SRGAP3: variants seen among roughly 807,000 people sequenced by gnomAD.
SRGAP3 encodes the protein SLIT-ROBO Rho GTPase activating protein 3.
Under a neutral mutation model 121.1 loss-of-function variants are expected in SRGAP3, and 39 were observed. The observed-to-expected ratio is 0.32, with a 90% CI of 0.25 to 0.42. SRGAP3 has a LOEUF of 0.42. Ranked by LOEUF, SRGAP3 falls within the 10% of genes least tolerant of loss-of-function variation. SRGAP3 has a pLI of 1.00. For missense variants in SRGAP3, 1,213 were observed against 1,470.6 expected, an observed-to-expected ratio of 0.82 and a Z score of 2.86; for synonymous variants, 601 against 570.0, an observed-to-expected ratio of 1.05 and a Z score of -0.77.
chr3:9,314,354 G>A (rs1441253066), intron 3 of SRGAP3, among the ~76,000 whole-genome samples: 3 of 152,120 alleles, frequency 2.0e-5, no homozygotes, highest in African/African-American at 2.4e-5. Flanking sequence ...CTGGGAGTTC[G>A]AGACCAGCCT....
chr3:9,216,762 A>C (rs1952647922), intron 1 of SRGAP3: 1 of 152,646 alleles, frequency 6.6e-6, no homozygotes, highest in Non-Finnish European at 1.5e-5. Context: ...AAGCCACCCA[A>C]GTGTCCCTCC....
chr3:9,021,197 C>T (rs905169686), intron 14 of SRGAP3, among the ~76,000 whole-genome samples: 3 of 152,214 alleles, frequency 2.0e-5, no homozygotes, highest in Non-Finnish European at 2.9e-5. Context: ...CTAGAGCCTA[C>T]GTGGCATGGC....
intron 1 of SRGAP3, among the ~76,000 whole-genome samples, chr3:9,126,485 C>T (rs1949235614): frequency 6.6e-6 from 1 of 152,060 alleles, no homozygotes; most frequent in South Asian, 2.1e-4. Context: ...CAAAAATTAG[C>T]CAGGCATAGT....
chr3:9,071,405 T>C (rs1946705302), intron 4 of SRGAP3, among the ~76,000 whole-genome samples: 2 of 152,164 alleles, frequency 1.3e-5, no homozygotes, highest in Admixed American at 1.3e-4. Flanking sequence ...CGTAAACTTA[T>C]GTTCATCTGG....
At chr3:9,022,485 C>T (rs1277847857) in intron 14 of SRGAP3, among the ~76,000 whole-genome samples, 2 of 152,178 alleles carry the variant, frequency 1.3e-5, no homozygotes, top group Non-Finnish European at 2.9e-5. Context: ...GCCACCCCGT[C>T]GCCAGGGAAA....
intron 1 of SRGAP3, among the ~76,000 whole-genome samples, chr3:9,175,794 T>C (rs1267453939): frequency 6.6e-6 from 1 of 152,196 alleles, no homozygotes; most frequent in African/African-American, 2.4e-5. Context: ...TCTACATGTT[T>C]AGAGAGAAAA....
chr3:9,110,311 A>T (rs1223533083), intron 2 of SRGAP3, among the ~76,000 whole-genome samples: 1 of 152,020 alleles, frequency 6.6e-6, no homozygotes, highest in African/African-American at 2.4e-5. Flanking sequence ...GGGAGGGAGG[A>T]TGATGAGTTC....
At position 9,202,711 on chromosome 3, in the gene SRGAP3, A is replaced by T. The variant is rs150688836; in HGVS notation, c.67+46174T>A. On this transcript the variant is annotated intron_variant, in intron 1 of 21. Transcript: ENST00000383836. ...ACCCCTGAGCTGATGCTGGGCCTGA[A>T]TCTCCCGCAGGCCTGGGACTCTGTG... Among the ~76,000 whole-genome samples the T allele has an allele frequency of 3.9e-3, 586 of 152,162 alleles. 3 individuals carry two copies. Among genetic ancestry groups the T allele is most frequent in the Non-Finnish European group, 5.3e-3 (361 of 68,000 alleles).
intron 3 of SRGAP3, among the ~76,000 whole-genome samples, chr3:9,311,750 T>G (rs1296713110): frequency 6.6e-6 from 1 of 152,206 alleles, no homozygotes; most frequent in Non-Finnish European, 1.5e-5. Context: ...GACCACAGGT[T>G]GTCTTCCTCT....
chr3:9,294,553 A>ACAAAC (rs200087170), intron 3 of SRGAP3, among the ~76,000 whole-genome samples: 1 of 81,796 alleles, frequency 1.2e-5, no homozygotes, highest in Non-Finnish European at 2.8e-5. Context: ...AAACAAACAA[A>ACAAAC]AAAAAACACC....
At chr3:9,326,214 T>C (rs1219460449) in intron 2 of SRGAP3, 4 of 151,918 alleles carry the variant, frequency 2.6e-5, no homozygotes, top group African/African-American at 9.7e-5. Flanking sequence ...AAAAGCTTTA[T>C]TTACCTGGTG....
intron 13 of SRGAP3, 130 bp from the exon 14 acceptor site, chr3:9,025,468 T>C (rs760925240): frequency 3.0e-5 from 32 of 1,055,908 alleles, no homozygotes; most frequent in Non-Finnish European, 4.4e-5. Context: ...AACAGAGTCG[T>C]TCCCTATGAA....
intron 2 of SRGAP3, among the ~76,000 whole-genome samples, chr3:9,121,331 C>G (rs922217678): frequency 6.6e-6 from 1 of 152,192 alleles, no homozygotes; most frequent in Non-Finnish European, 1.5e-5. Flanking sequence ...ATCTTTACGA[C>G]GGTGAGACAA....
chr3:9,188,262 C>G (rs1373782094), intron 1 of SRGAP3, among the ~76,000 whole-genome samples: 1 of 152,112 alleles, frequency 6.6e-6, no homozygotes, highest in Non-Finnish European at 1.5e-5. Flanking sequence ...ATTAGTTCAC[C>G]TTTCTGTTCC....
chr3:9,175,013 A>C (rs1316650838), intron 1 of SRGAP3, among the ~76,000 whole-genome samples: 2 of 152,136 alleles, frequency 1.3e-5, no homozygotes, highest in African/African-American at 4.8e-5. Context: ...CAGTGCATGC[A>C]GGCACTGCTG....
At chr3:9,235,503 C>CTTTTTTTTTTTTTT (rs397877508) in intron 1 of SRGAP3, 1 of 133,692 alleles carries the variant, frequency 7.5e-6, no homozygotes, top group African/African-American at 2.7e-5. Context: ...TTTTCTTTTT[C>CTTTTTTTTTTTTTT]TTTTTTTTTT....
At chr3:9,023,283 A>G (rs1441882297) in intron 14 of SRGAP3, among the ~76,000 whole-genome samples, 1 of 152,224 alleles carries the variant, frequency 6.6e-6, no homozygotes, top group Non-Finnish European at 1.5e-5. Flanking sequence ...GGCAGCAGGG[A>G]TGTAAGGAGC....
chr3:9,316,962 C>T (rs1434708287), intron 3 of SRGAP3, among the ~76,000 whole-genome samples: 1 of 152,048 alleles, frequency 6.6e-6, no homozygotes. Flanking sequence ...AGGAAAGGGG[C>T]CAGAGAGGCA....
chr3:9,058,272 G>T lies in SRGAP3; in HGVS notation c.1002C>A (p.Phe334Leu). 3 of 1,614,218 alleles carry T rather than the reference G, an allele frequency of 1.9e-6. No individual in the cohort carries two copies. The highest frequency in any genetic ancestry group is 2.5e-6 in the Non-Finnish European group (3 of 1,180,040). Reference protein sequence around the residue: ...QVFCPPLKFEFQPHMGDEVCQ... With the variant: ...QVFCPPLKFELQPHMGDEVCQ... Reference sequence around the variant, plus strand: ...CTACCTCATCCCCCATGTGGGGCTGGAACTCGAACTTGAGTGGAGGGCAGA... The same window carrying T: ...CTACCTCATCCCCCATGTGGGGCTGTAACTCGAACTTGAGTGGAGGGCAGA... The change falls in exon 7 of 22, where the codon TTC becomes TTA. Residue 334 changes from phenylalanine (F) to leucine (L), a missense_variant. Phe to Leu is a conservative substitution (Grantham distance 22). This residue lies in a region of SRGAP3 where 793 missense variants were observed against 1,032.9 expected (regional missense o/e 0.77). Coordinates refer to ENST00000383836, the MANE Select transcript of SRGAP3 (RefSeq NM_014850.4).
Sources: gnomAD v4.1 joint callset for allele counts (sites outside exome capture counted in the v4.1 genomes callset) on GRCh38, gnomAD v4.1.1 for gene constraint, gnomAD v4.1.1 regional missense constraint, MANE v1.5 for transcripts, NCBI Gene and HGNC (gene_info 2026-07-23, HGNC 2026-07-21) for gene names.